The following PAQR5 variants were observed in gnomAD, a reference collection of about 807,000 sequenced individuals.
PAQR5 encodes progestin and adipoQ receptor family member 5.
Under a neutral mutation model 34.5 loss-of-function variants are expected in PAQR5, and 20 were observed. That is an observed-to-expected ratio of 0.58 (90% CI 0.41 to 0.84). The LOEUF (loss-of-function observed/expected upper bound fraction) is 0.84. Among genes scored for constraint, PAQR5 ranks in the 40% least tolerant of loss-of-function variants. PAQR5 has a pLI of 0.00. For missense variants in PAQR5, 378 were observed against 412.7 expected (o/e 0.92, Z 0.73); for synonymous variants, 131 against 155.6 (o/e 0.84, Z 1.18).
intron 1 of PAQR5, among the ~76,000 whole-genome samples, chr15:69,310,804 C>G (rs2053812522): frequency 6.6e-6 from 1 of 151,676 alleles, no homozygotes; most frequent in Non-Finnish European, 1.5e-5. Context: ...TTTGGGAGGC[C>G]AAGGCGGGTG....
At chr15:69,338,095 A>AACAC in intron 2 of PAQR5, among the ~76,000 whole-genome samples, 1 of 152,098 alleles carries the variant, frequency 6.6e-6, no homozygotes, top group East Asian at 1.9e-4. Context: ...CAAACAAACA[A>AACAC]AAAAACCAGA....
chr15:69,369,136 T>C (rs1313196088), intron 3 of PAQR5, among the ~76,000 whole-genome samples: 2 of 152,196 alleles, frequency 1.3e-5, no homozygotes, highest in Non-Finnish European at 2.9e-5. Context: ...AACACAGTTA[T>C]TTTATATTTT....
Position 69,390,360 on chromosome 15 carries a change from A to ATT in PAQR5, c.512+586_512+587dup, listed in dbSNP as rs543005498. Among the ~76,000 whole-genome samples, 5 of 135,838 alleles carry ATT rather than the reference A, an allele frequency of 3.7e-5. 1 individual carries two copies. The highest frequency in any genetic ancestry group is 7.5e-5 in the Admixed American group (1 of 13,300). The allele number at this position is 135,838 out of a possible 152,430, so 89.1% of individuals were successfully genotyped here. ...TATTTATTTATTTATTTATTTATTT[A>ATT]TTTTTTTGAGACAGGGTCTCTCTCT... On this transcript the variant is annotated intron_variant, in intron 6 of 8. Transcript: ENST00000395407.
intron 6 of PAQR5, among the ~76,000 whole-genome samples, chr15:69,392,410 G>A (rs968695862): frequency 6.6e-6 from 1 of 152,220 alleles, no homozygotes; most frequent in Non-Finnish European, 1.5e-5. Flanking sequence ...CATCTCCTGG[G>A]TGCCTGAGTT....
At chr15:69,365,316 C>A (rs1335932416) in intron 3 of PAQR5, among the ~76,000 whole-genome samples, 2 of 151,528 alleles carry the variant, frequency 1.3e-5, no homozygotes, top group African/African-American at 4.8e-5. Context: ...TCATGTTGGC[C>A]AGGCTGGTCT....
Position 69,360,993 on chromosome 15 carries a change from A to C in PAQR5, c.51+862A>C, listed in dbSNP as rs2055216613. 2.0e-5 allele frequency among the ~76,000 whole-genome samples: 3 copies of C among 152,212 alleles called. No individual in the cohort carries two copies. The South Asian group carries it at 6.2e-4, about 32-fold the overall frequency. On this transcript the variant is annotated intron_variant, in intron 3 of 8. Transcript: ENST00000395407. ...CAAACCCTAACCCTAAAAGCCTGTG[A>C]AGCCAGGTGATTCCAGGAAGATGGC... is the stretch of plus-strand genomic sequence containing the variant.
At chr15:69,380,445 G>C (rs1414025105) in intron 4 of PAQR5, 2 of 159,560 alleles carry the variant, frequency 1.3e-5, no homozygotes, top group African/African-American at 4.8e-5. Flanking sequence ...GTTGCTGTGA[G>C]GGTTTGGGGA....
intron 2 of PAQR5, among the ~76,000 whole-genome samples, chr15:69,349,588 A>G (rs140031707): frequency 1.3e-5 from 2 of 152,140 alleles, no homozygotes; most frequent in East Asian, 1.9e-4. Flanking sequence ...GAATCAAAAC[A>G]TGGGCCACTA....
intron 1 of PAQR5, among the ~76,000 whole-genome samples, chr15:69,324,129 C>CAAAAAAA (rs55634756): frequency 1.5e-5 from 2 of 135,478 alleles, no homozygotes; most frequent in African/African-American, 2.8e-5. Context: ...ATAGCTAGGG[C>CAAAAAAA]AAAAAAAAAA....
At chr15:69,396,105 C>T (rs1324071728) in intron 6 of PAQR5, among the ~76,000 whole-genome samples, 1 of 151,458 alleles carries the variant, frequency 6.6e-6, no homozygotes, top group Non-Finnish European at 1.5e-5. Context: ...AGATCTGGCA[C>T]CTGCCTGAGG....
chr15:69,404,167 A>C lies in PAQR5; in HGVS notation c.*345A>C. 5.0e-6 allele frequency: 1 copy of C among 200,742 alleles called. No homozygotes were observed. The allele number at this position is 200,742 out of a possible 1,614,324, so 12.4% of individuals were successfully genotyped here. Reference sequence around the variant, plus strand: ...TCTGGAGCTTTGTATTATTCTTTAAAAATGAATCTTGCTTCATTTGATGAA... The same window carrying C: ...TCTGGAGCTTTGTATTATTCTTTAACAATGAATCTTGCTTCATTTGATGAA... On this transcript the variant is annotated 3_prime_UTR_variant, in exon 9 of 9. Transcript: ENST00000395407.
At chr15:69,302,782 C>T (rs547306217) in intron 1 of PAQR5, among the ~76,000 whole-genome samples, 3 of 152,152 alleles carry the variant, frequency 2.0e-5, no homozygotes, top group South Asian at 4.1e-4. Context: ...AACCCACCAT[C>T]CCCACCACCC....
chr15:69,333,343 A>T (rs143991161), intron 1 of PAQR5, among the ~76,000 whole-genome samples: 32 of 152,306 alleles, frequency 2.1e-4, no homozygotes, highest in African/African-American at 7.5e-4. Context: ...GTTATCTGAC[A>T]GTTTTGATTT....
At chr15:69,333,286 G>T (rs1004463490) in intron 1 of PAQR5, among the ~76,000 whole-genome samples, 1 of 152,154 alleles carries the variant, frequency 6.6e-6, no homozygotes, top group Non-Finnish European at 1.5e-5. Flanking sequence ...AATTAAAAGC[G>T]GATAGATCCC....
intron 1 of PAQR5, among the ~76,000 whole-genome samples, chr15:69,307,388 C>G (rs1471537613): frequency 6.6e-6 from 1 of 152,086 alleles, no homozygotes; most frequent in Admixed American, 6.6e-5. Flanking sequence ...GAGGAACCAT[C>G]ATAGTATTAA....
At chr15:69,392,726 C>T (rs990261246) in intron 6 of PAQR5, among the ~76,000 whole-genome samples, 4 of 152,106 alleles carry the variant, frequency 2.6e-5, no homozygotes, top group Admixed American at 6.5e-5. Context: ...CAGAATGACA[C>T]CTGCCGGTAT....
chr15:69,299,317 C>G (rs1466064617), intron 1 of PAQR5, among the ~76,000 whole-genome samples: 1 of 152,210 alleles, frequency 6.6e-6, no homozygotes, highest in Non-Finnish European at 1.5e-5. Flanking sequence ...CTGCTGCAAT[C>G]GAGGGCGGTG....
chr15:69,368,242 G>A (rs760257630), intron 3 of PAQR5, among the ~76,000 whole-genome samples: 3 of 152,206 alleles, frequency 2.0e-5, no homozygotes, highest in Non-Finnish European at 4.4e-5. Context: ...TAGCAAAGAT[G>A]TGGTTTCACC....
At chr15:69,378,909 C>T (rs892067368) in intron 3 of PAQR5, among the ~76,000 whole-genome samples, 8 of 152,018 alleles carry the variant, frequency 5.3e-5, no homozygotes, top group Non-Finnish European at 8.8e-5. Context: ...AGGTTGGCCC[C>T]CACAACAAAC....
Sources: gnomAD v4.1 joint callset for allele counts (sites outside exome capture counted in the v4.1 genomes callset) on GRCh38, gnomAD v4.1.1 for gene constraint, MANE v1.5 for transcripts, NCBI Gene and HGNC (gene_info 2026-07-23, HGNC 2026-07-21) for gene names.